CDON: variants seen among roughly 807,000 people sequenced by gnomAD.
CDON encodes cell adhesion molecule-related/down-regulated by oncogenes.
In CDON, 73 loss-of-function variants were observed where a neutral mutation model predicts 120.9. That is an observed-to-expected ratio of 0.60 (90% confidence interval 0.50 to 0.73). CDON has a LOEUF of 0.73. Among genes scored for constraint, CDON ranks in the 30% least tolerant of loss-of-function variants. CDON has a pLI of 0.00. For missense variants in CDON, 1,470 were observed against 1,587.3 expected (o/e 0.93, Z 1.26); for synonymous variants, 566 against 573.5 (o/e 0.99, Z 0.19).
intron 1 of CDON, among the ~76,000 whole-genome samples, chr11:126,058,688 T>G (rs988932130): frequency 6.6e-6 from 1 of 152,254 alleles, no homozygotes; most frequent in Non-Finnish European, 1.5e-5. Flanking sequence ...TCTTGGTAGA[T>G]GAAAACCAAT....
At chr11:126,018,572 C>A in intron 4 of CDON, 99 bp from the exon 5 acceptor site, 1 of 1,073,638 alleles carries the variant, frequency 9.3e-7, no homozygotes. Context: ...TCTATTCCAT[C>A]TTATTTTATT....
intron 14 of CDON, among the ~76,000 whole-genome samples, chr11:125,993,005 A>G (rs1368070680): frequency 1.3e-5 from 2 of 152,176 alleles, no homozygotes; most frequent in African/African-American, 4.8e-5. Flanking sequence ...AACATTAGGG[A>G]GTTTACGACT....
rs1374959625 is a variant in CDON, at chr11:125,958,354, A to T, written c.*2588T>A. ...ATGAGTTGTGGGGGTTAAATGAGTT[A>T]ACAGTAACAAGCACCGAGCACAGTG... is the stretch of plus-strand genomic sequence containing the variant. On this transcript the variant is annotated 3_prime_UTR_variant, in exon 20 of 20. Coordinates refer to ENST00000531738, the MANE Select transcript of CDON (RefSeq NM_001378964.1). 6.6e-6 allele frequency: 1 copy of T among 152,076 alleles called. No individual in the cohort carries two copies. Among genetic ancestry groups the T allele is most frequent in the Non-Finnish European group, 1.5e-5 (1 of 68,006 alleles). 9.4% of individuals were successfully genotyped at this position (152,076 alleles called of 1,614,324 possible).
Position 126,047,717 on chromosome 11 carries a change from A to T in CDON, c.-62+14862T>A, listed in dbSNP as rs533008661. On this transcript the variant is annotated intron_variant, in intron 1 of 19. Transcript: ENST00000531738. ...GGAAATCAAGGCACAGAGGGCTCAC[A>T]TCACTAGAATATGGTGGAGCCTGGC... 7.2e-5 allele frequency among the ~76,000 whole-genome samples: 11 copies of T among 152,290 alleles called. No homozygotes were observed. The East Asian group carries it at 2.1e-3, about 29-fold the overall frequency.
intron 11 of CDON, among the ~76,000 whole-genome samples, chr11:126,000,344 A>G (rs1260643569): frequency 1.3e-5 from 2 of 152,280 alleles, no homozygotes; most frequent in East Asian, 3.9e-4. Flanking sequence ...AGTAGCTAGG[A>G]CTACAGGTGT....
rs1945530829 is a variant in CDON, at chr11:125,958,018, G to A, written c.*2924C>T. The A allele has an allele frequency of 6.6e-6, 1 of 152,246 alleles. No individual in the cohort carries two copies. Among genetic ancestry groups the A allele is most frequent in the Admixed American group, 6.5e-5 (1 of 15,290 alleles). The allele number at this position is 152,246 out of a possible 1,614,324, so 9.4% of individuals were successfully genotyped here. A position where few individuals can be genotyped will look rare whatever the true frequency, so the allele number is the denominator to read the frequency against. On this transcript the variant is annotated 3_prime_UTR_variant, in exon 20 of 20. Transcript: ENST00000531738. ...AAAGATCAAATTTCCAGGTGGAGGT[G>A]GTAGACAGGGGGCGTCAAGGGGAGA...
chr11:125,995,650 T>G (rs1475339251), intron 12 of CDON, among the ~76,000 whole-genome samples: 4 of 152,206 alleles, frequency 2.6e-5, no homozygotes, highest in African/African-American at 9.6e-5. Context: ...TGTGAATTTC[T>G]GAAAATCGGA....
At chr11:125,974,783 A>G (rs1460478564) in intron 18 of CDON, among the ~76,000 whole-genome samples, 4 of 152,108 alleles carry the variant, frequency 2.6e-5, no homozygotes, top group Non-Finnish European at 2.9e-5. Flanking sequence ...ATATCAACTC[A>G]TACTTCAACT....
intron 18 of CDON, among the ~76,000 whole-genome samples, chr11:125,977,057 G>A (rs992280598): frequency 2.0e-5 from 3 of 152,114 alleles, no homozygotes; most frequent in Non-Finnish European, 4.4e-5. Flanking sequence ...CTGATTACTC[G>A]CCAGGTACAT....
At chr11:126,002,425 A>G (rs558149922) in intron 10 of CDON, among the ~76,000 whole-genome samples, 3 of 152,342 alleles carry the variant, frequency 2.0e-5, no homozygotes, top group African/African-American at 7.2e-5. Flanking sequence ...TAGTAATTAG[A>G]TGAAAGGGTC....
Position 125,960,857 on chromosome 11 carries a change from A to T in CDON, c.*85T>A. On this transcript the variant is annotated 3_prime_UTR_variant, in exon 20 of 20. Transcript: ENST00000531738. Reference sequence around the variant, plus strand: ...ATAATGATTTTCTCTGATTTGAATTAAGGTCCTTCACACAGTTCGCTCCCA... The same window carrying T: ...ATAATGATTTTCTCTGATTTGAATTTAGGTCCTTCACACAGTTCGCTCCCA... The T allele has an allele frequency of 8.5e-7, 1 of 1,171,932 alleles. No homozygotes were observed. Among genetic ancestry groups the T allele is most frequent in the Non-Finnish European group, 1.3e-6 (1 of 779,456 alleles). 72.6% of individuals were successfully genotyped at this position (1,171,932 alleles called of 1,614,324 possible). A position where few individuals can be genotyped will look rare whatever the true frequency, so the allele number is the denominator to read the frequency against.
chr11:125,978,208 A>G lies in CDON; in HGVS notation c.3356+96T>C, dbSNP rs1946197596. 3 of 757,928 alleles carry G rather than the reference A, an allele frequency of 4.0e-6. No homozygotes were observed. The East Asian group carries it at 8.0e-5, about 20-fold the overall frequency. 47.0% of individuals were successfully genotyped at this position (757,928 alleles called of 1,614,324 possible). ...TTGCAAATCCTGAACTTTATATCCT[A>G]GGTAAAATTCCAAGAACTTTCTTTG... is the stretch of plus-strand genomic sequence containing the variant. On this transcript the variant is annotated intron_variant, in intron 18 of 19. Transcript: ENST00000531738.
chr11:126,029,645 T>C (rs1038737180), intron 1 of CDON, among the ~76,000 whole-genome samples: 1 of 152,156 alleles, frequency 6.6e-6, no homozygotes, highest in East Asian at 1.9e-4. Context: ...TGATTCCTTA[T>C]GTGAAAAACA....
intron 18 of CDON, among the ~76,000 whole-genome samples, chr11:125,973,264 G>A (rs543037964): frequency 6.6e-6 from 1 of 152,216 alleles, no homozygotes; most frequent in South Asian, 2.1e-4. Context: ...TGGGCATGGT[G>A]GCTCATGCCT....
At chr11:126,011,872 C>T (rs376055064) in intron 7 of CDON, among the ~76,000 whole-genome samples, 3 of 152,148 alleles carry the variant, frequency 2.0e-5, no homozygotes, top group Non-Finnish European at 4.4e-5. Context: ...ATCTTTTATA[C>T]AATGTGAGTA....
Position 125,957,707 on chromosome 11 carries a change from C to T in CDON, c.*3235G>A, listed in dbSNP as rs907381947. ...GAATGAGATCTGTGGCATGATCAGC[C>T]CAAGATGGATGCATTGAGTCTTCAT... is the stretch of plus-strand genomic sequence containing the variant. On this transcript the variant is annotated 3_prime_UTR_variant, in exon 20 of 20. Transcript: ENST00000531738. 5 of 152,100 alleles carry T rather than the reference C, an allele frequency of 3.3e-5. No individual in the cohort carries two copies. The highest frequency in any genetic ancestry group is 4.8e-5 in the African/African-American group (2 of 41,398). 9.4% of individuals were successfully genotyped at this position (152,100 alleles called of 1,614,324 possible).
intron 1 of CDON, among the ~76,000 whole-genome samples, chr11:126,027,652 A>G (rs573213259): frequency 6.6e-5 from 10 of 152,238 alleles, no homozygotes; most frequent in African/African-American, 2.2e-4. Flanking sequence ...GCCTTAATGT[A>G]TAAGTCATTT....
At chr11:125,962,405 G>C (rs539041439) in intron 18 of CDON, among the ~76,000 whole-genome samples, 1 of 152,312 alleles carries the variant, frequency 6.6e-6, no homozygotes, top group Admixed American at 6.5e-5. Flanking sequence ...GAAATGTATG[G>C]CCACACGAAA....
intron 14 of CDON, among the ~76,000 whole-genome samples, chr11:125,990,170 A>C (rs1397938170): frequency 6.6e-6 from 1 of 152,192 alleles, no homozygotes. Flanking sequence ...TGGGACCAGC[A>C]AAAGGTACAC....
Sources: allele counts gnomAD v4.1 joint callset (sites outside exome capture counted in the v4.1 genomes callset), GRCh38; gene constraint gnomAD v4.1.1; transcripts MANE v1.5; gene names NCBI Gene and HGNC (gene_info 2026-07-23, HGNC 2026-07-21).